The following RABGAP1L variants were observed in gnomAD, a reference collection of about 807,000 sequenced individuals.
RABGAP1L encodes the protein RAB GTPase activating protein 1 like, also known as rab GTPase-activating protein 1-like.
RABGAP1L carries 63 observed loss-of-function variants against 137.7 expected under a neutral mutation model. The observed-to-expected ratio is 0.46, with a 90% CI of 0.37 to 0.56. The LOEUF is 0.56. RABGAP1L is among the 20% of genes least tolerant of loss of function. The probability of loss-of-function intolerance (pLI) is 0.00; values close to 1 mark genes in which losing one functional copy is unlikely to be tolerated. For synonymous variants in RABGAP1L, 431 were observed against 433.7 expected, an observed-to-expected ratio of 0.99 and a Z score of 0.08; for missense variants, 1,095 against 1,244.0, an observed-to-expected ratio of 0.88 and a Z score of 1.80.
At chr1:174,247,687 A>T (rs1238831284) in intron 5 of RABGAP1L, among the ~76,000 whole-genome samples, 1 of 152,192 alleles carries the variant, frequency 6.6e-6, no homozygotes, top group African/African-American at 2.4e-5. Context: ...CTGCATTTGC[A>T]TATGAAAAGC....
intron 19 of RABGAP1L, among the ~76,000 whole-genome samples, chr1:174,910,934 A>G (rs1659953166): frequency 6.6e-6 from 1 of 152,180 alleles, no homozygotes; most frequent in Non-Finnish European, 1.5e-5. Context: ...AGAAGGTTCT[A>G]ATTTCTCCAC....
At chr1:174,376,047 C>A (rs1027642547) in intron 12 of RABGAP1L, among the ~76,000 whole-genome samples, 11 of 149,984 alleles carry the variant, frequency 7.3e-5, no homozygotes, top group Non-Finnish European at 1.5e-4. Context: ...CAGCCAGTGA[C>A]AGAGCAAGAC....
chr1:174,655,685 T>G (rs1675915021), intron 14 of RABGAP1L, among the ~76,000 whole-genome samples: 1 of 152,218 alleles, frequency 6.6e-6, no homozygotes, highest in South Asian at 2.1e-4. Context: ...AGACTTTCAA[T>G]TTATTAGTTT....
intron 13 of RABGAP1L, among the ~76,000 whole-genome samples, chr1:174,405,907 G>A (rs1649210059): frequency 6.6e-6 from 1 of 152,076 alleles, no homozygotes; most frequent in Non-Finnish European, 1.5e-5. Flanking sequence ...GAGCCCGGGA[G>A]GCAGAGGTTG....
At chr1:174,788,388 C>T (rs1380919815) in intron 18 of RABGAP1L, among the ~76,000 whole-genome samples, 2 of 152,150 alleles carry the variant, frequency 1.3e-5, no homozygotes, top group Non-Finnish European at 2.9e-5. Flanking sequence ...CATAGCAAAC[C>T]ACCTGTACTT....
At position 174,336,891 on chromosome 1, in the gene RABGAP1L, GAGAGAGAA is replaced by G. The variant is rs537698129; in HGVS notation, c.1465+31772_1465+31779del. On this transcript the variant is annotated intron_variant, in intron 11 of 25. Transcript: ENST00000681986. The stretch of plus-strand genomic sequence containing the variant: ...TGTGTGTGTGTGTGTGTGTGAGAGA[GAGAGAGAA>G]AGAGAGAGAAAGAATGGAGGAGGAA... 3.6e-3 allele frequency among the ~76,000 whole-genome samples: 509 copies of G among 141,802 alleles called. 2 individuals carry two copies. Among genetic ancestry groups the G allele is most frequent in the South Asian group, 0.023 (99 of 4,376 alleles). 93.0% of individuals were successfully genotyped at this position (141,802 alleles called of 152,430 possible).
chr1:174,228,731 T>C (rs1291415886), intron 3 of RABGAP1L, among the ~76,000 whole-genome samples: 1 of 152,138 alleles, frequency 6.6e-6, no homozygotes, highest in Non-Finnish European at 1.5e-5. Context: ...GGAGCTGCAG[T>C]TGGGGAATTT....
chr1:174,317,927 A>G (rs1679544205), intron 11 of RABGAP1L, among the ~76,000 whole-genome samples: 2 of 152,056 alleles, frequency 1.3e-5, no homozygotes, highest in East Asian at 1.9e-4. Context: ...ACAGGACAGC[A>G]CTAAGTTCAG....
intron 13 of RABGAP1L, among the ~76,000 whole-genome samples, chr1:174,597,594 C>G (rs928707663): frequency 5.3e-5 from 8 of 151,732 alleles, no homozygotes; most frequent in African/African-American, 1.9e-4. Context: ...TTTGTCTTCT[C>G]TCTTTTTTTC....
intron 2 of RABGAP1L, 122 bp downstream of exon 2, chr1:174,219,417 A>AT: frequency 1.0e-5 from 7 of 680,716 alleles, no homozygotes; most frequent in Non-Finnish European, 1.3e-5. Context: ...TCAATGTTTG[A>AT]TTTATCCAGA....
At chr1:174,305,296 A>G (rs910215803) in intron 11 of RABGAP1L, among the ~76,000 whole-genome samples, 169 bp downstream of exon 11, 4 of 152,188 alleles carry the variant, frequency 2.6e-5, no homozygotes, top group East Asian at 1.9e-4. Context: ...TTTGGTTCCT[A>G]AGTTGCATAG....
intron 13 of RABGAP1L, among the ~76,000 whole-genome samples, chr1:174,406,126 A>T: frequency 6.6e-6 from 1 of 152,114 alleles, no homozygotes; most frequent in Admixed American, 6.5e-5. Flanking sequence ...ATTTAAATCA[A>T]ATTTTCTTGA....
At chr1:174,641,570 T>A (rs1300173886) in intron 14 of RABGAP1L, among the ~76,000 whole-genome samples, 2 of 152,198 alleles carry the variant, frequency 1.3e-5, no homozygotes, top group East Asian at 1.9e-4. Context: ...TTTAAAAGAA[T>A]GTCCATGAGA....
chr1:174,953,363 T>C (rs985974730), intron 19 of RABGAP1L, among the ~76,000 whole-genome samples: 15 of 152,208 alleles, frequency 9.9e-5, no homozygotes, highest in African/African-American at 2.9e-4. Context: ...ATGGCTAATA[T>C]TGAGAAAGAG....
chr1:174,910,143 A>G (rs1659823599), intron 19 of RABGAP1L, among the ~76,000 whole-genome samples: 1 of 152,190 alleles, frequency 6.6e-6, no homozygotes, highest in Admixed American at 6.5e-5. Flanking sequence ...TGTCTCAAAA[A>G]AAAACACAAA....
chr1:174,487,513 T>C (rs1659789571), intron 13 of RABGAP1L, among the ~76,000 whole-genome samples: 2 of 152,190 alleles, frequency 1.3e-5, no homozygotes, highest in Admixed American at 1.3e-4. Flanking sequence ...TCTACATATG[T>C]CTTTTTAGGT....
chr1:174,739,631 G>A (rs1683222239), intron 17 of RABGAP1L, among the ~76,000 whole-genome samples: 1 of 152,176 alleles, frequency 6.6e-6, no homozygotes, highest in Admixed American at 6.5e-5. Flanking sequence ...CTCCCCAGGT[G>A]ATTTTAATAA....
At chr1:174,352,886 T>G (rs1683316467) in intron 11 of RABGAP1L, among the ~76,000 whole-genome samples, 1 of 152,176 alleles carries the variant, frequency 6.6e-6, no homozygotes, top group Non-Finnish European at 1.5e-5. Context: ...TTCTTTGTAT[T>G]AGCAGGCAGA....
chr1:174,256,509 G>A (rs1468892141), intron 7 of RABGAP1L, among the ~76,000 whole-genome samples: 1 of 152,114 alleles, frequency 6.6e-6, no homozygotes, highest in Non-Finnish European at 1.5e-5. Flanking sequence ...TATGCTGGGC[G>A]CGGTGGCTCA....
Sources: allele counts gnomAD v4.1 joint callset (sites outside exome capture counted in the v4.1 genomes callset), GRCh38; gene constraint gnomAD v4.1.1; transcripts MANE v1.5; gene names NCBI Gene and HGNC (gene_info 2026-07-23, HGNC 2026-07-21).